RORB: variants seen among roughly 807,000 people sequenced by gnomAD.
The protein encoded by RORB is RAR related orphan receptor B.
Under a neutral mutation model 59.1 loss-of-function variants are expected in RORB, and 6 were observed. The ratio of observed to expected loss-of-function variants is 0.10; its 90% CI spans 0.06 to 0.20. The LOEUF (loss-of-function observed/expected upper bound fraction) is 0.20, where lower values mean the gene tolerates loss of function less well. RORB is among the 10% of genes least tolerant of loss of function. RORB has a pLI of 1.00. For synonymous variants in RORB, 215 were observed against 204.5 expected, an observed-to-expected ratio of 1.05 and a Z score of -0.44; for missense variants, 320 against 560.5, an observed-to-expected ratio of 0.57 and a Z score of 4.33.
chr9:74,648,351 A>G (rs1563963547), intron 4 of RORB, among the ~76,000 whole-genome samples: 1 of 152,210 alleles, frequency 6.6e-6, no homozygotes, highest in Non-Finnish European at 1.5e-5. Flanking sequence ...AAATTAGTCC[A>G]GCTGTCTGAG....
chr9:74,688,943 AC>A lies in RORB; in HGVS notation c.*3327del, dbSNP rs1237645974. ...AGATAAAATGGACAAGGGAGGTGAA[AC>A]CGGGTGAATTCAAACTTCAGTGTAT... On this transcript the variant is annotated 3_prime_UTR_variant, in exon 10 of 10. Transcript: ENST00000376896. The A allele has an allele frequency of 6.6e-6, 1 of 152,222 alleles. No individual in the cohort carries two copies. Among genetic ancestry groups the A allele is most frequent in the East Asian group, 1.9e-4 (1 of 5,188 alleles). The allele number at this position is 152,222 out of a possible 1,614,324, so 9.4% of individuals were successfully genotyped here.
At chr9:74,666,570 CTT>C (rs1824269661) in intron 7 of RORB, among the ~76,000 whole-genome samples, 4 of 150,344 alleles carry the variant, frequency 2.7e-5, no homozygotes, top group Non-Finnish European at 3.0e-5. Context: ...TTTTTTTCAA[CTT>C]TATTGCATAT....
intron 4 of RORB, among the ~76,000 whole-genome samples, chr9:74,647,922 T>C (rs1253879285): frequency 6.6e-6 from 1 of 152,210 alleles, no homozygotes; most frequent in Non-Finnish European, 1.5e-5. Flanking sequence ...TAATGGCATA[T>C]GCTTTTAAGG....
intron 1 of RORB, among the ~76,000 whole-genome samples, chr9:74,630,026 T>C (rs1297465911): frequency 6.6e-6 from 1 of 152,198 alleles, no homozygotes; most frequent in Non-Finnish European, 1.5e-5. Context: ...AATGCAAGAC[T>C]TTGGAAAACT....
At chr9:74,683,998 C>G (rs928264789) in intron 9 of RORB, among the ~76,000 whole-genome samples, 11 of 152,270 alleles carry the variant, frequency 7.2e-5, no homozygotes, top group Admixed American at 1.3e-4. Context: ...AATTTAGCAT[C>G]CATTCTATCG....
At chr9:74,543,727 T>G (rs1050607509) in intron 1 of RORB, among the ~76,000 whole-genome samples, 2 of 152,170 alleles carry the variant, frequency 1.3e-5, no homozygotes, top group South Asian at 4.1e-4. Context: ...CCCTAATCAC[T>G]TCTATCAAAA....
rs960560211 is a variant in RORB, at chr9:74,517,678, C to A, written c.7+19695C>A. ...CATTACCCGAAAACCATTGTTTTAC[C>A]TTTTAGTGTTTAATTTCTAGAAATA... On this transcript the variant is annotated intron_variant, in intron 1 of 9. Coordinates refer to ENST00000376896, the MANE Select transcript of RORB (RefSeq NM_006914.4). Among the ~76,000 whole-genome samples, 5 of 151,940 alleles carry A rather than the reference C, an allele frequency of 3.3e-5. No homozygotes were observed. In the South Asian group the frequency reaches 8.3e-4, roughly 25 times the overall value.
At chr9:74,566,962 C>T (rs1741277468) in intron 1 of RORB, among the ~76,000 whole-genome samples, 1 of 152,008 alleles carries the variant, frequency 6.6e-6, no homozygotes, top group Admixed American at 6.6e-5. Context: ...CCAGAAGTTT[C>T]TGTGGGTTTT....
rs1418068845 is a variant in RORB, at chr9:74,686,087, T to C, written c.*469T>C. ...TGTCTTGGAAAGTACTGTGCATGTA[T>C]GTAATAAGTATATAATATGTGAGAA... On this transcript the variant is annotated 3_prime_UTR_variant, in exon 10 of 10. Coordinates refer to ENST00000376896, the MANE Select transcript of RORB (RefSeq NM_006914.4). 6.5e-6 allele frequency: 1 copy of C among 153,028 alleles called. No homozygotes were observed. The highest frequency in any genetic ancestry group is 1.5e-5 in the Non-Finnish European group (1 of 68,296). The allele number at this position is 153,028 out of a possible 1,614,324, so 9.5% of individuals were successfully genotyped here. A position where few individuals can be genotyped will look rare whatever the true frequency, so the allele number is the denominator to read the frequency against.
chr9:74,618,536 C>G (rs947156799), intron 1 of RORB, among the ~76,000 whole-genome samples: 32 of 152,238 alleles, frequency 2.1e-4, no homozygotes, highest in African/African-American at 7.7e-4. Context: ...CTCTGCCGTC[C>G]TGGCTCGTCT....
intron 1 of RORB, among the ~76,000 whole-genome samples, chr9:74,516,477 A>G (rs1826012461): frequency 6.6e-6 from 1 of 152,070 alleles, no homozygotes; most frequent in African/African-American, 2.4e-5. Flanking sequence ...AGAGATGCTG[A>G]AATGTCAAAA....
In RORB at chr9:74,662,610, A is replaced by G. The variant is rs899869905; in HGVS notation, c.892+4A>G. 5.0e-6 allele frequency: 8 copies of G among 1,613,100 alleles called. No homozygotes were observed. Among genetic ancestry groups the G allele is most frequent in the Non-Finnish European group, 6.8e-6 (8 of 1,179,986 alleles). ...CAAATTCTACTTCTGAAGTCAGGTA[A>G]GCAAGAAGATTCATGGGAGGCCTAT... On this transcript the variant is annotated splice_donor_region_variant and intron_variant, in intron 6 of 9. Transcript: ENST00000376896.
At chr9:74,660,590 C>G in intron 4 of RORB, 27 bp from the exon 5 acceptor site, 1 of 1,594,542 alleles carries the variant, frequency 6.3e-7, no homozygotes, top group Non-Finnish European at 8.5e-7. Context: ...TATTCACAAA[C>G]CTTTGAATTG....
rs886204327 is a variant in RORB at position 74,669,903 on chromosome 9, C to T, written c.1112-1886C>T. The stretch of plus-strand genomic sequence containing the variant: ...CAATGTCTACAGTTTTTATGTTAGG[C>T]TTTATTATTCCTAATATGATTCTTG... On this transcript the variant is annotated intron_variant, in intron 8 of 9. Transcript: ENST00000376896. Among the ~76,000 whole-genome samples the T allele has an allele frequency of 2.6e-5, 4 of 152,046 alleles. No individual in the cohort carries two copies. The East Asian group carries it at 7.7e-4, about 29-fold the overall frequency.
intron 1 of RORB, among the ~76,000 whole-genome samples, chr9:74,540,957 A>G (rs1202447262): frequency 1.3e-5 from 2 of 152,096 alleles, no homozygotes; most frequent in East Asian, 1.9e-4. Flanking sequence ...ACCAGCATCT[A>G]TGAAGGTGCC....
chr9:74,635,318 A>G (rs1012800799), intron 3 of RORB, among the ~76,000 whole-genome samples: 6 of 152,166 alleles, frequency 3.9e-5, no homozygotes, highest in African/African-American at 1.4e-4. Flanking sequence ...AGCGAAGTCC[A>G]AGTCTTAGAA....
chr9:74,527,700 G>T (rs1032030728), intron 1 of RORB, among the ~76,000 whole-genome samples: 4 of 152,016 alleles, frequency 2.6e-5, no homozygotes, highest in Non-Finnish European at 4.4e-5. Context: ...TTCCAAGTCT[G>T]ATCACATGAA....
chr9:74,539,373 A>G (rs561836956), intron 1 of RORB, among the ~76,000 whole-genome samples: 2 of 152,204 alleles, frequency 1.3e-5, no homozygotes, highest in African/African-American at 2.4e-5. Flanking sequence ...TACTTCTATC[A>G]TGCTGTAAAA....
At chr9:74,598,419 T>TA (rs1469103299) in intron 1 of RORB, among the ~76,000 whole-genome samples, 1 of 152,226 alleles carries the variant, frequency 6.6e-6, no homozygotes, top group African/African-American at 2.4e-5. Flanking sequence ...TGAATCTCCT[T>TA]AAGCTACAGA....
Sources: gnomAD v4.1 joint callset for allele counts (sites outside exome capture counted in the v4.1 genomes callset) on GRCh38, gnomAD v4.1.1 for gene constraint, MANE v1.5 for transcripts, NCBI Gene and HGNC (gene_info 2026-07-23, HGNC 2026-07-21) for gene names.